Variants in SMAP1 observed in about 807,000 individuals in gnomAD.
The protein encoded by SMAP1 is small ArfGAP 1, also known as stromal membrane-associated protein 1.
SMAP1 carries 24 observed loss-of-function variants against 58.5 expected under a neutral mutation model. That is an observed-to-expected ratio of 0.41 (90% CI 0.30 to 0.58). The LOEUF (loss-of-function observed/expected upper bound fraction) is 0.58. Ranked by LOEUF, SMAP1 falls within the 20% of genes least tolerant of loss-of-function variation. The pLI is 0.29. For missense variants in SMAP1, 563 were observed against 566.3 expected (o/e 0.99, Z 0.06); for synonymous variants, 216 against 196.6 (o/e 1.10, Z -0.82).
At chr6:70,717,871 G>C (rs767405996) in intron 1 of SMAP1, among the ~76,000 whole-genome samples, 3 of 152,132 alleles carry the variant, frequency 2.0e-5, no homozygotes, top group Non-Finnish European at 4.4e-5. Context: ...TTAAATACTT[G>C]ATGATGAGAA....
chr6:70,824,901 TCTTC>T (rs1770047940), intron 6 of SMAP1, among the ~76,000 whole-genome samples: 1 of 152,196 alleles, frequency 6.6e-6, no homozygotes, highest in African/African-American at 2.4e-5. Context: ...GATATTTTGG[TCTTC>T]CTTGTTTCTT....
chr6:70,759,156 G>T (rs1211704465), intron 3 of SMAP1, among the ~76,000 whole-genome samples: 1 of 152,104 alleles, frequency 6.6e-6, no homozygotes. Context: ...AGGAAAGCCT[G>T]TGGCTGAATC....
Position 70,757,228 on chromosome 6 carries a change from A to G in SMAP1, c.338+2163A>G, listed in dbSNP as rs1302665562. On this transcript the variant is annotated intron_variant, in intron 3 of 10. Transcript: ENST00000370455. The stretch of plus-strand genomic sequence containing the variant: ...GAAATAACGCCGCATATCTACAACT[A>G]TCTGATCTTTGACAAACCTGAGAAA... Among the ~76,000 whole-genome samples the G allele has an allele frequency of 1.3e-3, 187 of 149,450 alleles. 1 individual carries two copies. The highest frequency in any genetic ancestry group is 2.4e-3 in the Non-Finnish European group (159 of 66,834).
At chr6:70,847,899 G>C (rs1771051720) in intron 7 of SMAP1, among the ~76,000 whole-genome samples, 2 of 152,130 alleles carry the variant, frequency 1.3e-5, no homozygotes, top group Non-Finnish European at 2.9e-5. Flanking sequence ...GGAAGTGTGT[G>C]TGTGTGTGTT....
chr6:70,711,285 C>A (rs1768047325), intron 1 of SMAP1, among the ~76,000 whole-genome samples: 1 of 152,128 alleles, frequency 6.6e-6, no homozygotes, highest in African/African-American at 2.4e-5. Context: ...GCTACGATGT[C>A]ACAATAATTA....
At chr6:70,776,426 A>G (rs758955627) in intron 4 of SMAP1, among the ~76,000 whole-genome samples, 37 of 152,186 alleles carry the variant, frequency 2.4e-4, no homozygotes, top group Admixed American at 3.3e-4. Context: ...TGATCTGCCC[A>G]CCTCGACCTC....
intron 7 of SMAP1, among the ~76,000 whole-genome samples, chr6:70,852,201 A>T (rs1771210476): frequency 6.6e-6 from 1 of 152,164 alleles, no homozygotes. Context: ...AAGTACCCAG[A>T]ACAGTGCCTG....
rs1201105884 is a variant in SMAP1 at position 70,770,504 on chromosome 6, T to C, written c.339-2846T>C. On this transcript the variant is annotated intron_variant, in intron 3 of 10. Transcript: ENST00000370455. ...CTCGCTTCATTTCATTCATTTCGTC[T>C]TCCATCACTGACACCCTTTCTTCCA... Among the ~76,000 whole-genome samples, 8 of 152,236 alleles carry C rather than the reference T, an allele frequency of 5.3e-5. No individual in the cohort carries two copies. In the South Asian group the frequency reaches 1.0e-3, roughly 20 times the overall value.
chr6:70,705,250 T>C (rs1386714501), intron 1 of SMAP1, among the ~76,000 whole-genome samples: 1 of 150,018 alleles, frequency 6.7e-6, no homozygotes, highest in African/African-American at 2.5e-5. Context: ...CAGTTCATTA[T>C]GATTTTTTTT....
chr6:70,695,781 T>C (rs1767376874), intron 1 of SMAP1, among the ~76,000 whole-genome samples: 1 of 152,220 alleles, frequency 6.6e-6, no homozygotes, highest in African/African-American at 2.4e-5. Context: ...AGGGTGATAC[T>C]AGCCTTGTAG....
intron 3 of SMAP1, among the ~76,000 whole-genome samples, chr6:70,757,744 A>G (rs1239469589): frequency 1.3e-5 from 2 of 152,266 alleles, no homozygotes; most frequent in African/African-American, 4.8e-5. Context: ...GAAGACATCT[A>G]TGCAGCCAAA....
At chr6:70,769,606 T>C (rs577716353) in intron 3 of SMAP1, among the ~76,000 whole-genome samples, 13 of 152,300 alleles carry the variant, frequency 8.5e-5, no homozygotes, top group Admixed American at 5.9e-4. Context: ...ATTTGCTTGG[T>C]AGATCTTCCT....
intron 1 of SMAP1, among the ~76,000 whole-genome samples, chr6:70,693,463 C>T (rs1283897518): frequency 1.3e-5 from 2 of 151,856 alleles, no homozygotes; most frequent in Non-Finnish European, 2.9e-5. Flanking sequence ...GCCATTACAG[C>T]CAGCTAATTT....
chr6:70,844,395 C>T (rs1352082771), intron 7 of SMAP1, among the ~76,000 whole-genome samples: 1 of 152,064 alleles, frequency 6.6e-6, no homozygotes, highest in Non-Finnish European at 1.5e-5. Flanking sequence ...GGGGCTCTTC[C>T]CCTTACAGAG....
intron 1 of SMAP1, among the ~76,000 whole-genome samples, chr6:70,693,406 C>A (rs925298020): frequency 6.7e-6 from 1 of 149,768 alleles, no homozygotes. Flanking sequence ...CAGGTTCAAG[C>A]GATTCTCCTG....
chr6:70,772,561 T>G (rs1400478598), intron 3 of SMAP1, among the ~76,000 whole-genome samples: 2 of 152,178 alleles, frequency 1.3e-5, no homozygotes, highest in Non-Finnish European at 2.9e-5. Flanking sequence ...TTTAAGAATT[T>G]CCATTTCAGT....
intron 4 of SMAP1, among the ~76,000 whole-genome samples, chr6:70,779,233 G>A (rs1359889252): frequency 1.3e-5 from 2 of 152,198 alleles, no homozygotes; most frequent in Non-Finnish European, 2.9e-5. Context: ...CTGCACTGCC[G>A]AGTCTAGCTG....
intron 2 of SMAP1, among the ~76,000 whole-genome samples, chr6:70,745,897 G>A (rs527421081): frequency 6.6e-6 from 1 of 152,152 alleles, no homozygotes; most frequent in Non-Finnish European, 1.5e-5. Flanking sequence ...CACATCCCTT[G>A]TAAGTTGGAT....
At chr6:70,675,112 G>C (rs1766421455) in intron 1 of SMAP1, among the ~76,000 whole-genome samples, 1 of 149,624 alleles carries the variant, frequency 6.7e-6, no homozygotes, top group African/African-American at 2.5e-5. Flanking sequence ...TTTAGAGATA[G>C]GGTAGCTCCA....
Sources: allele counts gnomAD v4.1 joint callset (sites outside exome capture counted in the v4.1 genomes callset), GRCh38; gene constraint gnomAD v4.1.1; transcripts MANE v1.5; gene names NCBI Gene and HGNC (gene_info 2026-07-23, HGNC 2026-07-21).